ACBD5: variants seen among roughly 807,000 people sequenced by gnomAD.
ACBD5 encodes the protein acyl-CoA-binding domain-containing protein 5.
ACBD5 carries 40 observed loss-of-function variants against 71.8 expected under a neutral mutation model. The ratio of observed to expected loss-of-function variants is 0.56; its 90% CI spans 0.43 to 0.72. The LOEUF (loss-of-function observed/expected upper bound fraction) is 0.72, where lower values mean the gene tolerates loss of function less well. ACBD5 is among the 30% of genes least tolerant of loss of function. The probability of loss-of-function intolerance (pLI) is 0.00; values close to 1 mark genes in which losing one functional copy is unlikely to be tolerated. For missense variants in ACBD5, 559 were observed against 644.5 expected (o/e 0.87, Z 1.44); for synonymous variants, 229 against 218.6 (o/e 1.05, Z -0.42).
chr10:27,187,473 C>T (rs972792783), intron 13 of ACBD5, among the ~76,000 whole-genome samples: 5 of 152,126 alleles, frequency 3.3e-5, no homozygotes, highest in African/African-American at 9.7e-5. Flanking sequence ...TACTGGAGGA[C>T]GGGTGCGATG....
chr10:27,197,381 C>T lies in ACBD5; in HGVS notation c.*49G>A. On this transcript the variant is annotated 3_prime_UTR_variant, in exon 13 of 13. Transcript: ENST00000396271. ...TGTGAACACCACAATCCAGTTCATT[C>T]TGAGGTCATCCAGTTCCAGTAGTCT... 6.3e-7 allele frequency: 1 copy of T among 1,580,136 alleles called. No individual in the cohort carries two copies. The highest frequency in any genetic ancestry group is 8.7e-7 in the Non-Finnish European group (1 of 1,149,926).
intron 12 of ACBD5, among the ~76,000 whole-genome samples, 186 bp downstream of exon 12, chr10:27,204,254 A>G (rs1394598755): frequency 6.6e-6 from 1 of 152,144 alleles, no homozygotes; most frequent in African/African-American, 2.4e-5. Flanking sequence ...TTTAAGTCTA[A>G]CAAGTACCTA....
In ACBD5 at chr10:27,186,372, T is replaced by TC. The variant is rs2058750711; in HGVS notation, c.1494-3658dup. The TC allele has an allele frequency of 2.5e-6, 4 of 1,613,528 alleles. No homozygotes were observed. In the Admixed American group the frequency reaches 6.7e-5, roughly 27 times the overall value. The stretch of plus-strand genomic sequence containing the variant: ...ATCATACTGTTTTGTTTTATATTTT[T>TC]CCTAAGAGCTAAAACGTCATCCTCT... On this transcript the variant is annotated intron_variant, in intron 13 of 13. Transcript: ENST00000676511.
At chr10:27,208,980 T>C (rs1318365625) in intron 9 of ACBD5, among the ~76,000 whole-genome samples, 1 of 152,194 alleles carries the variant, frequency 6.6e-6, no homozygotes, top group Non-Finnish European at 1.5e-5. Context: ...TTCTATAATA[T>C]ACATAATATA....
rs1456062403 is a variant in ACBD5 at position 27,240,493 on chromosome 10, T to G, written c.16-9A>C. The G allele has an allele frequency of 1.8e-5, 29 of 1,600,288 alleles. No individual in the cohort carries two copies. Among genetic ancestry groups the G allele is most frequent in the Non-Finnish European group, 2.2e-5 (26 of 1,172,886 alleles). ...CAAGAGCCTGCATGAAACTGGAACATGGAGCGCAGCCGCGGATCAACATGC... is the reference window on the plus strand; with the variant it reads ...CAAGAGCCTGCATGAAACTGGAACAGGGAGCGCAGCCGCGGATCAACATGC... On this transcript the variant is annotated splice_polypyrimidine_tract_variant and intron_variant, in intron 1 of 12. Coordinates refer to ENST00000396271, the MANE Select transcript of ACBD5 (RefSeq NM_145698.5). This position sits in a 1 kb window ranked among gnomAD's most constrained non-coding sequence, Gnocchi z 4.1.
rs562538847 is a variant in ACBD5 at position 27,196,950 on chromosome 10, C to A, written c.*480G>T. On this transcript the variant is annotated 3_prime_UTR_variant, in exon 13 of 13. Coordinates refer to ENST00000396271, the MANE Select transcript of ACBD5 (RefSeq NM_145698.5). Reference sequence around the variant, plus strand: ...GGTTTTCTACTACATGCCATGGCAACTCCGTGACTAAGATATAAAGTCGAT... The same window carrying A: ...GGTTTTCTACTACATGCCATGGCAAATCCGTGACTAAGATATAAAGTCGAT... 2.2e-6 allele frequency: 1 copy of A among 454,224 alleles called. No homozygotes were observed. The highest frequency in any genetic ancestry group is 2.0e-5 in the African/African-American group (1 of 50,110). The allele number at this position is 454,224 out of a possible 1,614,324, so 28.1% of individuals were successfully genotyped here.
At chr10:27,208,721 C>CCAGCTACTCA (rs2060738829) in intron 9 of ACBD5, among the ~76,000 whole-genome samples, 1 of 151,996 alleles carries the variant, frequency 6.6e-6, no homozygotes, top group African/African-American at 2.4e-5. Context: ...AATTGTAATC[C>CCAGCTACTCA]CAGCTACTCA....
At chr10:27,218,775 G>A (rs1193514556) in intron 6 of ACBD5, among the ~76,000 whole-genome samples, 3 of 151,824 alleles carry the variant, frequency 2.0e-5, no homozygotes, top group Non-Finnish European at 4.4e-5. Context: ...TAGTAGAGAC[G>A]GGGTTTCACC....
At position 27,215,558 on chromosome 10, in the gene ACBD5, T is replaced by C. The variant is rs779535717; in HGVS notation, c.913A>G (p.Met305Val). 9 of 1,613,096 alleles carry C rather than the reference T, an allele frequency of 5.6e-6. No homozygotes were observed. The highest frequency in any genetic ancestry group is 2.7e-5 in the African/African-American group (2 of 75,032). The change falls in exon 8 of 13, where the codon ATG becomes GTG. Residue 305 changes from methionine (M) to valine (V), a missense_variant. Transcript: ENST00000396271. ...DSDSEVYCDS[M>V]EQFGQEESLD... Reference sequence around the variant, plus strand: ...ACCTCTTCTTGTCCAAATTGTTCCATAGAATCACAGTAAACTTCACTGTCT... The same window carrying C: ...ACCTCTTCTTGTCCAAATTGTTCCACAGAATCACAGTAAACTTCACTGTCT...
chr10:27,207,343 A>G (rs2060577423), intron 10 of ACBD5, among the ~76,000 whole-genome samples: 1 of 152,044 alleles, frequency 6.6e-6, no homozygotes, highest in South Asian at 2.1e-4. Context: ...GGAGATACAT[A>G]TAATTTTTAA....
chr10:27,200,886 A>G (rs1042224913), intron 12 of ACBD5, among the ~76,000 whole-genome samples: 10 of 152,126 alleles, frequency 6.6e-5, no homozygotes, highest in Admixed American at 6.5e-4. Flanking sequence ...AACAATAATA[A>G]TTTAGGCCAG....
rs762316343 is a variant in ACBD5, at chr10:27,223,290, G to T, written c.490+48C>A. The T allele has an allele frequency of 1.7e-5, 22 of 1,314,408 alleles. No individual in the cohort carries two copies. In the South Asian group the frequency reaches 2.2e-4, roughly 13 times the overall value. The allele number at this position is 1,314,408 out of a possible 1,614,324, so 81.4% of individuals were successfully genotyped here. On this transcript the variant is annotated intron_variant, in intron 5 of 12. Coordinates refer to ENST00000396271, the MANE Select transcript of ACBD5 (RefSeq NM_145698.5). ...ATCAGAGATACAAATATTAATATGTGCATAATATATCAGTTGATGAATTTA... is the reference window on the plus strand; with the variant it reads ...ATCAGAGATACAAATATTAATATGTTCATAATATATCAGTTGATGAATTTA...
rs191618936 is a variant in ACBD5 at position 27,199,834 on chromosome 10, A to C, written c.1566-2392T>G. Reference sequence around the variant, plus strand: ...TATCCTGGCCGTCTCTACTAAAAATATAAACAAATTAGCCGGGCGTGGTGG... The same window carrying C: ...TATCCTGGCCGTCTCTACTAAAAATCTAAACAAATTAGCCGGGCGTGGTGG... On this transcript the variant is annotated intron_variant, in intron 12 of 12. Coordinates refer to ENST00000396271, the MANE Select transcript of ACBD5 (RefSeq NM_145698.5). 3.5e-3 allele frequency among the ~76,000 whole-genome samples: 536 copies of C among 152,222 alleles called. 1 individual carries two copies. The highest frequency in any genetic ancestry group is 6.1e-3 in the Non-Finnish European group (415 of 68,012).
At chr10:27,218,552 C>G (rs953221722) in intron 6 of ACBD5, among the ~76,000 whole-genome samples, 12 of 151,434 alleles carry the variant, frequency 7.9e-5, no homozygotes, top group Non-Finnish European at 1.6e-4. Flanking sequence ...ATTTGTCATA[C>G]CTTACTGGAA....
chr10:27,201,826 A>G (rs2059959251), intron 12 of ACBD5, among the ~76,000 whole-genome samples: 1 of 152,182 alleles, frequency 6.6e-6, no homozygotes, highest in Non-Finnish European at 1.5e-5. Context: ...ATATCTATCT[A>G]TCAGACATAT....
At chr10:27,183,272 G>GTTGTTT (rs549005229) in intron 13 of ACBD5, among the ~76,000 whole-genome samples, 2 of 22,300 alleles carry the variant, frequency 9.0e-5, no homozygotes, top group East Asian at 0.045. Flanking sequence ...AAATTCTTTT[G>GTTGTTT]TTGTTGTTGT....
At chr10:27,221,917 CAAAAAAAAA>C (rs56253187) in intron 5 of ACBD5, among the ~76,000 whole-genome samples, 3 of 77,140 alleles carry the variant, frequency 3.9e-5, no homozygotes, top group East Asian at 3.5e-4. Context: ...GACTCCATCT[CAAAAAAAAA>C]AAAAAAAAAA....
intron 13 of ACBD5, among the ~76,000 whole-genome samples, chr10:27,188,815 G>T (rs1241323021): frequency 6.6e-6 from 1 of 152,146 alleles, no homozygotes; most frequent in Admixed American, 6.5e-5. Flanking sequence ...GGGAAAAAGG[G>T]GATGGTTTTG....
chr10:27,219,179 G>A (rs1209432434), intron 6 of ACBD5, among the ~76,000 whole-genome samples: 1 of 152,034 alleles, frequency 6.6e-6, no homozygotes, highest in Non-Finnish European at 1.5e-5. Flanking sequence ...GTGCATGCCT[G>A]TAATCCCAGC....
Sources: gnomAD v4.1 joint callset for allele counts (sites outside exome capture counted in the v4.1 genomes callset) on GRCh38, gnomAD v4.1.1 for gene constraint, Gnocchi (gnomAD v3.1) non-coding constraint, MANE v1.5 for transcripts, NCBI Gene and HGNC (gene_info 2026-07-23, HGNC 2026-07-21) for gene names.